The following ENTPD4 variants were observed in gnomAD, a reference collection of about 807,000 sequenced individuals.
The protein encoded by ENTPD4 is ectonucleoside triphosphate diphosphohydrolase 4.
A neutral mutation model predicts 79.1 loss-of-function variants in ENTPD4; 60 were observed. The observed-to-expected ratio is 0.76, with a 90% CI of 0.62 to 0.94. ENTPD4 has a LOEUF of 0.94. Among genes scored for constraint, ENTPD4 ranks in the 40% least tolerant of loss-of-function variants. The pLI is 0.00. For missense variants in ENTPD4, 772 were observed against 775.1 expected (o/e 1.00, Z 0.05); for synonymous variants, 276 against 292.0 (o/e 0.95, Z 0.56).
In ENTPD4 at chr8:23,444,618, G is replaced by A; in HGVS notation, c.413-12C>T. 6.2e-7 allele frequency: 1 copy of A among 1,612,046 alleles called. No individual in the cohort carries two copies. Reference sequence around the variant, plus strand: ...AAATTCTGAAATGCCTAGAGAAACAGGATACTTTAGTTAAGAAGCAGATAT... The same window carrying A: ...AAATTCTGAAATGCCTAGAGAAACAAGATACTTTAGTTAAGAAGCAGATAT... On this transcript the variant is annotated splice_polypyrimidine_tract_variant and intron_variant, in intron 4 of 12. Transcript: ENST00000358689.
chr8:23,443,967 A>C lies in ENTPD4; in HGVS notation c.564-14T>G, dbSNP rs1158822879. On this transcript the variant is annotated splice_polypyrimidine_tract_variant and intron_variant, in intron 5 of 12. Transcript: ENST00000358689. ...GCTTTCTGCTGGCTGTAAAGTAATA[A>C]AAACATTTACAAATCAAAAGATTAC... is the stretch of plus-strand genomic sequence containing the variant. The C allele has an allele frequency of 6.5e-7, 1 of 1,543,670 alleles. No individual in the cohort carries two copies. Among genetic ancestry groups the C allele is most frequent in the Admixed American group, 1.7e-5 (1 of 57,718 alleles).
In ENTPD4 at chr8:23,429,960, TA is replaced by T; in HGVS notation, c.*2965del. ...AAGCCCATGATATGGCTATGGAACA[TA>T]AGCACTTATTGCTGGCATGTTTCTA... On this transcript the variant is annotated 3_prime_UTR_variant, in exon 13 of 13. Coordinates refer to ENST00000358689, the MANE Select transcript of ENTPD4 (RefSeq NM_004901.5). 1 of 985,476 alleles carries T rather than the reference TA, an allele frequency of 1.0e-6. No homozygotes were observed. Among genetic ancestry groups the T allele is most frequent in the Non-Finnish European group, 1.2e-6 (1 of 829,936 alleles). 61.0% of individuals were successfully genotyped at this position (985,476 alleles called of 1,614,324 possible).
intron 4 of ENTPD4, among the ~76,000 whole-genome samples, chr8:23,447,241 C>CA: frequency 6.6e-6 from 1 of 152,114 alleles, no homozygotes; most frequent in Non-Finnish European, 1.5e-5. Flanking sequence ...TCACACTCAC[C>CA]AAATAATCTA....
intron 4 of ENTPD4, among the ~76,000 whole-genome samples, chr8:23,445,616 T>G (rs12675817): frequency 0.27 from 41,480 of 152,054 alleles, 5,921 homozygotes; most frequent in East Asian, 0.44. Flanking sequence ...CCAGCCTCCA[T>G]GGAAGTCACC....
At chr8:23,445,286 C>A (rs1001323177) in intron 4 of ENTPD4, among the ~76,000 whole-genome samples, 4 of 152,152 alleles carry the variant, frequency 2.6e-5, no homozygotes, top group African/African-American at 4.8e-5. Context: ...TGCCAGCCTG[C>A]CACAGCACAT....
intron 10 of ENTPD4, among the ~76,000 whole-genome samples, chr8:23,436,079 CA>C (rs1172035230): frequency 1.3e-5 from 2 of 151,968 alleles, no homozygotes; most frequent in Non-Finnish European, 2.9e-5. Flanking sequence ...ACAGGGAGCA[CA>C]AGGAAAAAGC....
chr8:23,437,770 T>C (rs750043029), intron 9 of ENTPD4, among the ~76,000 whole-genome samples: 11 of 152,312 alleles, frequency 7.2e-5, no homozygotes, highest in Middle Eastern at 3.4e-3. Flanking sequence ...TGGTATCAAA[T>C]TGCCTTGCAA....
chr8:23,432,930 A>C lies in ENTPD4; in HGVS notation c.1847T>G (p.Leu616Trp). The C allele has an allele frequency of 6.3e-7, 1 of 1,593,356 alleles. No individual in the cohort carries two copies. The highest frequency in any genetic ancestry group is 8.6e-7 in the Non-Finnish European group (1 of 1,168,774). Reference protein sequence around the residue: ...GLPAQNAPGTL With the variant: ...GLPAQNAPGTW ...TTCGTGGAGCTGTGAGCTGGATCAC[A>C]AGGTCCCCGGGGCATTCTGGGCGGG... The change falls in exon 13 of 13, where the codon TTG becomes TGG. Residue 616 changes from leucine (L) to tryptophan (W), a missense_variant. Transcript: ENST00000358689.
intron 7 of ENTPD4, 36 bp from the exon 8 acceptor site, chr8:23,441,759 T>C (rs777704927): frequency 2.6e-5 from 42 of 1,605,344 alleles, no homozygotes; most frequent in Non-Finnish European, 2.9e-5. Context: ...GGAACAGAAC[T>C]AATCCAGAGA....
rs77027346 is a variant in ENTPD4, at chr8:23,444,203, C to T, written c.564-250G>A. 4.1e-4 allele frequency among the ~76,000 whole-genome samples: 62 copies of T among 152,254 alleles called. 1 individual carries two copies. Among genetic ancestry groups the T allele is most frequent in the African/African-American group, 1.4e-3 (59 of 41,546 alleles). ...TACAACTGCAAGCATTCCTTAACTA[C>T]GTAAAATAGATTAGGTTTTTAAAAA... On this transcript the variant is annotated intron_variant, in intron 5 of 12. Transcript: ENST00000358689.
rs192714754 is a variant in ENTPD4, at chr8:23,439,742, G to A, written c.1049+7C>T. 595 of 1,613,950 alleles carry A rather than the reference G, an allele frequency of 3.7e-4. 3 individuals carry two copies. In the African/African-American group the frequency reaches 6.6e-3, roughly 18 times the overall value. On this transcript the variant is annotated splice_region_variant and intron_variant, in intron 9 of 12. Coordinates refer to ENST00000358689, the MANE Select transcript of ENTPD4 (RefSeq NM_004901.5). ...AAATGACTGCCAAGTAGTGAAAGGT[G>A]CTTTACCTGTTCTTTTGAATGGTGT... is the stretch of plus-strand genomic sequence containing the variant.
intron 12 of ENTPD4, among the ~76,000 whole-genome samples, chr8:23,433,711 C>T (rs186215950): frequency 2.0e-5 from 3 of 152,346 alleles, no homozygotes; most frequent in Admixed American, 1.3e-4. Context: ...AACAAACTAT[C>T]ATTAGCGTTG....
rs1419845906 is a variant in ENTPD4, at chr8:23,447,740, A to G, written c.352T>C (p.Leu118=). 2 of 1,614,188 alleles carry G rather than the reference A, an allele frequency of 1.2e-6. No individual in the cohort carries two copies. Among genetic ancestry groups the G allele is most frequent in the Admixed American group, 1.7e-5 (1 of 60,028 alleles). Reference sequence around the variant, plus strand: ...TTATCCCTCATTTGCCTGATATCCAACAGATCATGTGGATTGCCATTATGC... The same window carrying G: ...TTATCCCTCATTTGCCTGATATCCAGCAGATCATGTGGATTGCCATTATGC... ...PRHNGNPHDL[L]DIRQMRDKNR... The change falls in exon 4 of 13, where the codon TTG becomes CTG. Residue 118 remains leucine, a synonymous_variant. Coordinates refer to ENST00000358689, the MANE Select transcript of ENTPD4 (RefSeq NM_004901.5).
chr8:23,440,041 C>A (rs17089263), intron 8 of ENTPD4, 126 bp from the exon 9 acceptor site: 1 of 698,182 alleles, frequency 1.4e-6, no homozygotes, highest in Non-Finnish European at 2.4e-6. Flanking sequence ...TCCCAAGGAC[C>A]CTTCTAAGCA....
At chr8:23,434,531 G>GCA (rs139348326) in intron 11 of ENTPD4, 53 bp from the exon 12 acceptor site, 31,873 of 1,468,472 alleles carry the variant, frequency 0.022, 193 homozygotes, top group African/African-American at 0.074. Flanking sequence ...TGTCAAGATG[G>GCA]CACACACACA....
chr8:23,452,907 C>T (rs529579558), intron 1 of ENTPD4, among the ~76,000 whole-genome samples: 33 of 152,322 alleles, frequency 2.2e-4, no homozygotes, highest in South Asian at 6.2e-4. Context: ...AAGTATTATA[C>T]GTGTGGTTGG....
At chr8:23,454,026 A>T (rs1170666370) in intron 1 of ENTPD4, among the ~76,000 whole-genome samples, 1 of 152,198 alleles carries the variant, frequency 6.6e-6, no homozygotes, top group Non-Finnish European at 1.5e-5. Context: ...TAGGAAAGAA[A>T]CCAAAATATT....
At chr8:23,438,226 C>G (rs1800606109) in intron 9 of ENTPD4, among the ~76,000 whole-genome samples, 1 of 152,202 alleles carries the variant, frequency 6.6e-6, no homozygotes, top group East Asian at 1.9e-4. Flanking sequence ...ACTGTGAAAT[C>G]ACAGGGGCCT....
At chr8:23,446,391 G>T (rs1800763734) in intron 4 of ENTPD4, among the ~76,000 whole-genome samples, 1 of 152,078 alleles carries the variant, frequency 6.6e-6, no homozygotes, top group Non-Finnish European at 1.5e-5. Flanking sequence ...CAGTCTTCTC[G>T]TAAGTTTTTT....
Sources: allele counts gnomAD v4.1 joint callset (sites outside exome capture counted in the v4.1 genomes callset), GRCh38; gene constraint gnomAD v4.1.1; transcripts MANE v1.5; gene names NCBI Gene and HGNC (gene_info 2026-07-23, HGNC 2026-07-21).